Variants in ZFAND6 observed in about 807,000 individuals in gnomAD.
The protein encoded by ZFAND6 is zinc finger AN1-type containing 6.
In ZFAND6, 12 loss-of-function variants were observed where a neutral mutation model predicts 24.5. That is an observed-to-expected ratio of 0.49 (90% CI 0.31 to 0.79). The LOEUF is 0.79. Among genes scored for constraint, ZFAND6 ranks in the 30% least tolerant of loss-of-function variants. ZFAND6 has a pLI of 0.04. For missense variants in ZFAND6, 207 were observed against 245.9 expected, an observed-to-expected ratio of 0.84 and a Z score of 1.06; for synonymous variants, 92 against 81.5, an observed-to-expected ratio of 1.13 and a Z score of -0.69.
At chr15:80,111,745 C>T (rs933936058) in intron 2 of ZFAND6, among the ~76,000 whole-genome samples, 4 of 152,128 alleles carry the variant, frequency 2.6e-5, no homozygotes, top group African/African-American at 9.7e-5. Flanking sequence ...TTTAACTAAA[C>T]GTGTATTTTT....
intron 5 of ZFAND6, among the ~76,000 whole-genome samples, chr15:80,125,136 G>A (rs926790777): frequency 6.6e-6 from 1 of 152,096 alleles, no homozygotes; most frequent in Non-Finnish European, 1.5e-5. Context: ...ATAAAAGCTG[G>A]AACTGGAATC....
chr15:80,091,975 T>C (rs929710487), intron 1 of ZFAND6, among the ~76,000 whole-genome samples: 2 of 152,220 alleles, frequency 1.3e-5, no homozygotes, highest in Admixed American at 1.3e-4. Flanking sequence ...TGACTGTTAA[T>C]GTTAATAGCT....
intron 1 of ZFAND6, among the ~76,000 whole-genome samples, chr15:80,069,774 A>G (rs1190035941): frequency 6.6e-6 from 1 of 152,048 alleles, no homozygotes; most frequent in African/African-American, 2.4e-5. Context: ...GCACGAGGCT[A>G]ATTTTTGTAG....
chr15:80,126,808 T>G (rs1567096700), intron 5 of ZFAND6, among the ~76,000 whole-genome samples: 1 of 152,134 alleles, frequency 6.6e-6, no homozygotes, highest in Non-Finnish European at 1.5e-5. Flanking sequence ...AATAAAGATT[T>G]TTGCTTAAAA....
At chr15:80,091,786 C>T (rs2038392782) in intron 1 of ZFAND6, among the ~76,000 whole-genome samples, 1 of 152,092 alleles carries the variant, frequency 6.6e-6, no homozygotes, top group Non-Finnish European at 1.5e-5. Flanking sequence ...ACTACAGGCA[C>T]GTGACGCCAT....
intron 5 of ZFAND6, among the ~76,000 whole-genome samples, chr15:80,125,869 TAAAAG>T (rs906207158): frequency 1.3e-5 from 2 of 152,308 alleles, no homozygotes; most frequent in South Asian, 2.1e-4. Context: ...TCATTACTCT[TAAAAG>T]AGAATAAGAA....
At chr15:80,066,592 C>T (rs1048653818) in intron 1 of ZFAND6, among the ~76,000 whole-genome samples, 5 of 152,012 alleles carry the variant, frequency 3.3e-5, no homozygotes, top group African/African-American at 4.8e-5. Context: ...GGATTACAGG[C>T]GTGAGCCACC....
At chr15:80,080,357 G>C (rs2037588260) in intron 1 of ZFAND6, among the ~76,000 whole-genome samples, 1 of 152,116 alleles carries the variant, frequency 6.6e-6, no homozygotes, top group African/African-American at 2.4e-5. Context: ...TACAGTAGTT[G>C]CCCCTTATTC....
intron 5 of ZFAND6, among the ~76,000 whole-genome samples, chr15:80,125,170 A>G (rs987771879): frequency 6.6e-6 from 1 of 152,224 alleles, no homozygotes; most frequent in Admixed American, 6.5e-5. Context: ...CATAGAGGCC[A>G]GTATTCTTAT....
intron 1 of ZFAND6, among the ~76,000 whole-genome samples, chr15:80,083,338 T>C (rs2037794520): frequency 6.6e-6 from 1 of 152,208 alleles, no homozygotes; most frequent in Non-Finnish European, 1.5e-5. Flanking sequence ...TTGGTGGTGG[T>C]ATTATCCATA....
chr15:80,103,035 G>A (rs1032817742), intron 2 of ZFAND6, among the ~76,000 whole-genome samples: 9 of 152,114 alleles, frequency 5.9e-5, no homozygotes, highest in African/African-American at 1.2e-4. Context: ...TAGGTTCATC[G>A]GGTCAGTGTT....
At chr15:80,077,929 AC>A (rs2037390366) in intron 1 of ZFAND6, among the ~76,000 whole-genome samples, 1 of 151,422 alleles carries the variant, frequency 6.6e-6, no homozygotes. Context: ...CGAACTCCTG[AC>A]CCTTGTGATC....
intron 1 of ZFAND6, among the ~76,000 whole-genome samples, chr15:80,087,136 G>T (rs1434367262): frequency 6.6e-6 from 1 of 152,332 alleles, no homozygotes; most frequent in East Asian, 1.9e-4. Flanking sequence ...GCGTACAAGT[G>T]TGTGGCATAT....
rs74863773 is a variant in ZFAND6 at position 80,105,119 on chromosome 15, G to C, written c.-18+6541G>C. ...CACTATCCTGTAGTCTAGGCACACAGAAGTCTCCCCTGGTAGACCACATAC... is the reference window on the plus strand; with the variant it reads ...CACTATCCTGTAGTCTAGGCACACACAAGTCTCCCCTGGTAGACCACATAC... On this transcript the variant is annotated intron_variant, in intron 2 of 6. Transcript: ENST00000261749. 9.1e-3 allele frequency among the ~76,000 whole-genome samples: 1,384 copies of C among 152,286 alleles called. 25 individuals are homozygous for C. Among genetic ancestry groups the C allele is most frequent in the African/African-American group, 0.032 (1,314 of 41,546 alleles).
intron 5 of ZFAND6, 159 bp from the exon 6 acceptor site, chr15:80,131,019 AAG>A (rs1352299917): frequency 4.0e-6 from 2 of 493,874 alleles, no homozygotes; most frequent in East Asian, 5.9e-5. Context: ...ATTTAACAAA[AAG>A]GGGTCATATT....
intron 1 of ZFAND6, chr15:80,075,318 A>C (rs2037210077): frequency 7.8e-6 from 2 of 256,284 alleles, no homozygotes; most frequent in Middle Eastern, 4.3e-4. Context: ...AGATAAAGGT[A>C]ATTGTAAATA....
chr15:80,122,714 A>T lies in ZFAND6; in HGVS notation c.278A>T (p.Gln93Leu). ...SSMQPSPVSN[Q>L]SLLSESVASS... ...TGCTTTTCTAGCCCTGTATCAAATC[A>T]GTCACTTTTATCAGAATCTGTAGCA... The change falls in exon 5 of 7, where the codon CAG becomes CTG. Residue 93 changes from glutamine (Q) to leucine (L), a missense_variant. Physicochemically the swap from Gln to Leu is moderately radical, Grantham distance 113. This residue lies in a region of ZFAND6 where 133 missense variants were observed against 122.8 expected (regional missense o/e 1.08). Coordinates refer to ENST00000261749, the MANE Select transcript of ZFAND6 (RefSeq NM_019006.4). 6.2e-7 allele frequency: 1 copy of T among 1,613,430 alleles called. No homozygotes were observed. Among genetic ancestry groups the T allele is most frequent in the Non-Finnish European group, 8.5e-7 (1 of 1,179,652 alleles).
At chr15:80,106,465 C>T (rs1305669167) in intron 2 of ZFAND6, among the ~76,000 whole-genome samples, 3 of 152,014 alleles carry the variant, frequency 2.0e-5, no homozygotes, top group Non-Finnish European at 4.4e-5. Flanking sequence ...ACTCTATGGC[C>T]CACAAAGCCT....
At chr15:80,096,035 C>T (rs1394417126) in intron 1 of ZFAND6, among the ~76,000 whole-genome samples, 1 of 152,164 alleles carries the variant, frequency 6.6e-6, no homozygotes, top group African/African-American at 2.4e-5. Flanking sequence ...GCTTTATGCT[C>T]AAGAGCACCA....
Sources: gnomAD v4.1 joint callset for allele counts (sites outside exome capture counted in the v4.1 genomes callset) on GRCh38, gnomAD v4.1.1 for gene constraint, gnomAD v4.1.1 regional missense constraint, MANE v1.5 for transcripts, NCBI Gene and HGNC (gene_info 2026-07-23, HGNC 2026-07-21) for gene names.